Variants in PDE4D observed in about 807,000 individuals in gnomAD.
The protein encoded by PDE4D is phosphodiesterase 4D.
PDE4D carries 24 observed loss-of-function variants against 87.4 expected under a neutral mutation model. The ratio of observed to expected loss-of-function variants is 0.27; its 90% CI spans 0.20 to 0.39. The LOEUF (loss-of-function observed/expected upper bound fraction) is 0.39. PDE4D is among the 10% of genes least tolerant of loss of function. The pLI is 1.00. For synonymous variants in PDE4D, 384 were observed against 383.2 expected (o/e 1.00, Z -0.02); for missense variants, 714 against 1,041.0 (o/e 0.69, Z 4.32).
intron 1 of PDE4D, among the ~76,000 whole-genome samples, chr5:59,803,128 G>A (rs1767332753): frequency 6.6e-6 from 1 of 152,094 alleles, no homozygotes; most frequent in Non-Finnish European, 1.5e-5. Context: ...CTCACCAGGG[G>A]AGTACGGCAC....
chr5:60,163,747 A>T (rs1782654371), intron 2 of PDE4D, among the ~76,000 whole-genome samples: 2 of 152,180 alleles, frequency 1.3e-5, no homozygotes, highest in Admixed American at 1.3e-4. Flanking sequence ...TCAAGGAGGC[A>T]CTATTTCTCA....
At chr5:59,922,153 A>T (rs555922569) in intron 3 of PDE4D, among the ~76,000 whole-genome samples, 8 of 152,290 alleles carry the variant, frequency 5.3e-5, no homozygotes, top group South Asian at 4.1e-4. Flanking sequence ...GGGAGAATAT[A>T]GACCAGCCCT....
chr5:59,053,645 G>GTTTTTTGTTTTTTTTTTTTTTT lies in PDE4D; in HGVS notation c.809-14675_809-14674insAAAAAAAAAAAAAAACAAAAAA, dbSNP rs1561396071. Reference sequence around the variant, plus strand: ...TATGAATTAAGTTGTTTTGTTTTTTGTTTTTTTTTGTTGTTGTTTTTTTTT... The same window carrying GTTTTTTGTTTTTTTTTTTTTTT: ...TATGAATTAAGTTGTTTTGTTTTTTGTTTTTTGTTTTTTTTTTTTTTTTTTTTTTTTGTTGTTGTTTTTTTTT... On this transcript the variant is annotated intron_variant, in intron 5 of 14. Coordinates refer to ENST00000340635, the MANE Select transcript of PDE4D (RefSeq NM_001104631.2). Among the ~76,000 whole-genome samples, 5 of 68,794 alleles carry GTTTTTTGTTTTTTTTTTTTTTT rather than the reference G, an allele frequency of 7.3e-5. 1 individual carries two copies. Among genetic ancestry groups the GTTTTTTGTTTTTTTTTTTTTTT allele is most frequent in the South Asian group, 4.0e-4 (1 of 2,504 alleles). 45.1% of individuals were successfully genotyped at this position (68,794 alleles called of 152,430 possible).
intron 1 of PDE4D, among the ~76,000 whole-genome samples, chr5:59,560,136 A>G (rs1010546037): frequency 6.6e-6 from 1 of 152,254 alleles, no homozygotes; most frequent in African/African-American, 2.4e-5. Context: ...GTAAAGTTTA[A>G]TCAATCCATG....
intron 5 of PDE4D, among the ~76,000 whole-genome samples, chr5:59,103,730 G>C (rs1458119323): frequency 6.6e-6 from 1 of 152,240 alleles, no homozygotes; most frequent in Admixed American, 6.5e-5. Context: ...TCATGGAACA[G>C]ATCATTAGAC....
chr5:59,704,349 A>G (rs1343889378), intron 1 of PDE4D, among the ~76,000 whole-genome samples: 1 of 152,216 alleles, frequency 6.6e-6, no homozygotes, highest in Admixed American at 6.5e-5. Context: ...TTCAACATTT[A>G]TTGTAATTAG....
At chr5:59,298,257 A>C (rs1333423669) in intron 1 of PDE4D, among the ~76,000 whole-genome samples, 2 of 151,682 alleles carry the variant, frequency 1.3e-5, no homozygotes, top group Non-Finnish European at 2.9e-5. Context: ...CTGGGATTAC[A>C]GGTATGCACC....
At chr5:59,973,510 A>ACT (rs10694736) in intron 3 of PDE4D, among the ~76,000 whole-genome samples, 149,493 of 152,280 alleles carry the variant, frequency 0.98, 73,405 homozygotes, top group East Asian at 1. Context: ...TCATTCATTC[A>ACT]GTTTTGCCAA....
chr5:59,178,310 A>T (rs1037610734), intron 5 of PDE4D, among the ~76,000 whole-genome samples: 25 of 152,130 alleles, frequency 1.6e-4, no homozygotes, highest in African/African-American at 6.0e-4. Context: ...CTTTGTGAGG[A>T]GCCCAGCAGC....
At position 59,842,372 on chromosome 5, in the gene PDE4D, G is replaced by A. The variant is rs1182362275; in HGVS notation, c.455+50796C>T. Among the ~76,000 whole-genome samples, 6 of 152,046 alleles carry A rather than the reference G, an allele frequency of 3.9e-5. No individual in the cohort carries two copies. In the East Asian group the frequency reaches 1.2e-3, roughly 29 times the overall value. On this transcript the variant is annotated intron_variant, in intron 1 of 14. Transcript: ENST00000340635. ...AAGACTTTAGTGTATTCCATGTGTA[G>A]AGTCTGTTTTCTATTCCTAAATCTA... is the stretch of plus-strand genomic sequence containing the variant.
intron 1 of PDE4D, among the ~76,000 whole-genome samples, chr5:59,290,937 C>T (rs1767886425): frequency 6.6e-6 from 1 of 151,904 alleles, no homozygotes; most frequent in Admixed American, 6.6e-5. Context: ...ATAAGAAATG[C>T]TGGTGAGGAT....
Position 60,250,243 on chromosome 5 carries a change from T to A in PDE4D, c.-89-64556A>T, listed in dbSNP as rs529484895. On this transcript the variant is annotated intron_variant, in intron 1 of 16. Transcript: ENST00000502484. Reference sequence around the variant, plus strand: ...TAATATAACAACAATATTGAAGGTTTTTTTTAATATTTGAAAATTCATTGC... The same window carrying A: ...TAATATAACAACAATATTGAAGGTTATTTTTAATATTTGAAAATTCATTGC... Among the ~76,000 whole-genome samples, 4 of 152,096 alleles carry A rather than the reference T, an allele frequency of 2.6e-5. No individual in the cohort carries two copies. The South Asian group carries it at 8.3e-4, about 31-fold the overall frequency.
intron 1 of PDE4D, among the ~76,000 whole-genome samples, chr5:59,711,911 T>A (rs1459061695): frequency 6.6e-6 from 1 of 152,094 alleles, no homozygotes; most frequent in African/African-American, 2.4e-5. Context: ...ACATTTGTGC[T>A]TATTTGTGGA....
intron 1 of PDE4D, among the ~76,000 whole-genome samples, chr5:60,326,439 C>G (rs575751594): frequency 7.2e-5 from 11 of 152,208 alleles, no homozygotes; most frequent in African/African-American, 2.6e-4. Flanking sequence ...TAACACTAGA[C>G]ACTTTAATTC....
chr5:59,893,859 C>T (rs951269903), upstream of PDE4D: 3 of 1,295,612 alleles, frequency 2.3e-6, no homozygotes, highest in Non-Finnish European at 1.9e-6. Flanking sequence ...ATGGCAGAGA[C>T]ACGCTCCCGG....
chr5:59,674,472 A>T (rs960824558), intron 1 of PDE4D, among the ~76,000 whole-genome samples: 3 of 152,142 alleles, frequency 2.0e-5, no homozygotes, highest in African/African-American at 7.2e-5. Context: ...TCTGTCTCTA[A>T]AATCATTATT....
chr5:59,489,276 C>A lies in PDE4D; in HGVS notation c.456-273308G>T, dbSNP rs200329467. On this transcript the variant is annotated intron_variant, in intron 1 of 14. Coordinates refer to ENST00000340635, the MANE Select transcript of PDE4D (RefSeq NM_001104631.2). ...GAGACTCCATCTCAAAAAAAAAAAA[C>A]AAAAAAAACAAAAAAAAACATTGTT... 5.7e-3 allele frequency among the ~76,000 whole-genome samples: 790 copies of A among 138,050 alleles called. 38 individuals are homozygous for A. The East Asian group carries it at 0.13, about 22-fold the overall frequency. 90.6% of individuals were successfully genotyped at this position (138,050 alleles called of 152,430 possible).
At chr5:59,299,389 C>T (rs1769730151) in intron 1 of PDE4D, among the ~76,000 whole-genome samples, 2 of 152,122 alleles carry the variant, frequency 1.3e-5, no homozygotes, top group Admixed American at 6.6e-5. Flanking sequence ...TGGGAACGGA[C>T]TTGATGATGT....
At chr5:59,765,927 G>A (rs1401778635) in intron 1 of PDE4D, among the ~76,000 whole-genome samples, 1 of 152,168 alleles carries the variant, frequency 6.6e-6, no homozygotes, top group Non-Finnish European at 1.5e-5. Flanking sequence ...GCTCAACTTT[G>A]TAATAATTAG....
Sources: gnomAD v4.1 joint callset for allele counts (sites outside exome capture counted in the v4.1 genomes callset) on GRCh38, gnomAD v4.1.1 for gene constraint, MANE v1.5 for transcripts, NCBI Gene and HGNC (gene_info 2026-07-23, HGNC 2026-07-21) for gene names.